Variants in ZNF347 observed in about 807,000 individuals in gnomAD.
The protein encoded by ZNF347 is CTD-2620I22.7.
A neutral mutation model predicts 12.9 loss-of-function variants in ZNF347; 19 were observed. That is an observed-to-expected ratio of 1.47 (90% CI 1.03 to 2.16). The LOEUF (loss-of-function observed/expected upper bound fraction) is 2.16. Among genes scored for constraint, ZNF347 ranks in the 30% most tolerant of loss-of-function variants. ZNF347 has a pLI of 0.00. For missense variants in ZNF347, 1,005 were observed against 990.6 expected, an observed-to-expected ratio of 1.01 and a Z score of -0.19; for synonymous variants, 328 against 340.6, an observed-to-expected ratio of 0.96 and a Z score of 0.41.
rs2090415350 is a variant in ZNF347 at position 53,140,565 on chromosome 19, G to A, written c.2263C>T (p.His755Tyr). ...VFTQNSHLAR[H>Y]RGIHTGEKPY... is the part of the protein sequence containing the mutation. ...TTCTCTCCAGTATGAATTCCCCGATGTCTTGCAAGGTGTGAATTCTGAGTG... is the reference window on the plus strand; with the variant it reads ...TTCTCTCCAGTATGAATTCCCCGATATCTTGCAAGGTGTGAATTCTGAGTG... Residue 755 changes from histidine (H) to tyrosine (Y), a missense_variant, in exon 5 of 5, where the codon CAT becomes TAT. His to Tyr is a moderately conservative substitution (Grantham distance 83, BLOSUM62 2). Transcript: ENST00000334197. 2 of 1,613,788 alleles carry A rather than the reference G, an allele frequency of 1.2e-6. No individual in the cohort carries two copies. The highest frequency in any genetic ancestry group is 1.3e-5 in the African/African-American group (1 of 74,872).
At position 53,145,046 on chromosome 19, in the gene ZNF347, T is replaced by A. The variant is rs1383641379; in HGVS notation, c.272-2490A>T. Among the ~76,000 whole-genome samples, 3 of 152,122 alleles carry A rather than the reference T, an allele frequency of 2.0e-5. No homozygotes were observed. The East Asian group carries it at 5.8e-4, about 30-fold the overall frequency. ...GGCTCACACCTGTAATCCCAGCACT[T>A]AGGGAGGCCAAAGTTGGGCAGATCA... On this transcript the variant is annotated intron_variant, in intron 4 of 4. Transcript: ENST00000334197.
At chr19:53,148,886 G>A in intron 3 of ZNF347, 77 bp from the exon 4 acceptor site, 1 of 1,530,198 alleles carries the variant, frequency 6.5e-7, no homozygotes, top group Non-Finnish European at 8.8e-7. Flanking sequence ...TGAGGAGGGA[G>A]GACTTTACAG....
rs751819401 is a variant in ZNF347 at position 53,141,763 on chromosome 19, A to T, written c.1065T>A (p.Thr355=). The T allele has an allele frequency of 2.5e-6, 4 of 1,613,518 alleles. No individual in the cohort carries two copies. The highest frequency in any genetic ancestry group is 1.7e-6 in the Non-Finnish European group (2 of 1,179,794). The change falls in exon 5 of 5, where the codon ACT becomes ACA. Residue 355 remains threonine, a synonymous_variant. Coordinates refer to ENST00000334197, the MANE Select transcript of ZNF347 (RefSeq NM_032584.3). ...GATGTCTTACAAGGTGTGAATTCTG[A>T]GTGAAGACCTTGCCACATTCGTTAC... ...YKCNECGKVF[T]QNSHLVRHRG...
At position 53,149,315 on chromosome 19, in the gene ZNF347, G is replaced by C; in HGVS notation, c.68C>G (p.Thr23Arg). 1 of 1,613,960 alleles carries C rather than the reference G, an allele frequency of 6.2e-7. No individual in the cohort carries two copies. The highest frequency in any genetic ancestry group is 8.5e-7 in the Non-Finnish European group (1 of 1,179,958). The stretch of plus-strand genomic sequence containing the variant: ...AGTCCTCTGAGCGGGGTCCAGGCAT[G>C]TCCACTCCTCCTGAGAGAATTCTAT... ...VAIEFSQEEW[T>R]CLDPAQRTLY... The change falls in exon 3 of 5, where the codon ACA becomes AGA. Residue 23 changes from threonine (T) to arginine (R), a missense_variant. Thr to Arg is a moderately conservative substitution (Grantham distance 71). Transcript: ENST00000334197.
intron 1 of ZNF347, among the ~76,000 whole-genome samples, chr19:53,157,250 G>A (rs954608259): frequency 1.3e-5 from 2 of 152,060 alleles, no homozygotes; most frequent in Non-Finnish European, 2.9e-5. Context: ...TTAAGTAAAC[G>A]TATTTTAAAT....
chr19:53,148,876 TGAG>T, intron 3 of ZNF347, 67 bp from the exon 4 acceptor site: 1 of 1,560,790 alleles, frequency 6.4e-7, no homozygotes. Flanking sequence ...TATGTTTACA[TGAG>T]GAGGGAGGAC....
rs561414202 is a variant in ZNF347, at chr19:53,139,009, A to G, written c.*1299T>C. On this transcript the variant is annotated 3_prime_UTR_variant, in exon 5 of 5. Coordinates refer to ENST00000334197, the MANE Select transcript of ZNF347 (RefSeq NM_032584.3). Reference sequence around the variant, plus strand: ...CCTCTTCAATTTCAAAAATAAGCCTATTTTTCATCAATCTCTGCTATAAAA... The same window carrying G: ...CCTCTTCAATTTCAAAAATAAGCCTGTTTTTCATCAATCTCTGCTATAAAA... 10 of 152,226 alleles carry G rather than the reference A, an allele frequency of 6.6e-5. No homozygotes were observed. The South Asian group carries it at 2.1e-3, about 32-fold the overall frequency. The allele number at this position is 152,226 out of a possible 1,614,324, so 9.4% of individuals were successfully genotyped here.
At position 53,140,258 on chromosome 19, in the gene ZNF347, T is replaced by A. The variant is rs1412223524; in HGVS notation, c.*50A>T. 5.4e-6 allele frequency: 8 copies of A among 1,480,558 alleles called. No individual in the cohort carries two copies. Among genetic ancestry groups the A allele is most frequent in the Non-Finnish European group, 7.3e-6 (8 of 1,102,106 alleles). 91.7% of individuals were successfully genotyped at this position (1,480,558 alleles called of 1,614,324 possible). On this transcript the variant is annotated 3_prime_UTR_variant, in exon 5 of 5. Coordinates refer to ENST00000334197, the MANE Select transcript of ZNF347 (RefSeq NM_032584.3). ...AAATTCTCTGACGTTGTCAAAGGAA[T>A]GAATTCTAACTGCAAAAGTTACCAC... is the stretch of plus-strand genomic sequence containing the variant.
chr19:53,146,502 C>A (rs1017051886), intron 4 of ZNF347, among the ~76,000 whole-genome samples: 2 of 151,976 alleles, frequency 1.3e-5, no homozygotes, highest in African/African-American at 4.8e-5. Flanking sequence ...GTTTGAACTC[C>A]CCGCCTCAAG....
intron 4 of ZNF347, among the ~76,000 whole-genome samples, chr19:53,143,738 T>C (rs937867722): frequency 6.6e-6 from 1 of 152,166 alleles, no homozygotes; most frequent in African/African-American, 2.4e-5. Flanking sequence ...TTTGGGTATA[T>C]ACCCAGTAAT....
intron 2 of ZNF347, among the ~76,000 whole-genome samples, chr19:53,149,772 A>C (rs2090486161): frequency 6.6e-6 from 1 of 152,074 alleles, no homozygotes; most frequent in South Asian, 2.1e-4. Context: ...AAGCCCCCAT[A>C]ATAACCCGAA....
chr19:53,140,226 C>T lies in ZNF347; in HGVS notation c.*82G>A, dbSNP rs1599850213. The T allele has an allele frequency of 1.1e-5, 15 of 1,326,690 alleles. No individual in the cohort carries two copies. In the East Asian group the frequency reaches 3.5e-4, roughly 31 times the overall value. 82.2% of individuals were successfully genotyped at this position (1,326,690 alleles called of 1,614,324 possible). On this transcript the variant is annotated 3_prime_UTR_variant, in exon 5 of 5. Transcript: ENST00000334197. ...GTCATTGCATTTTCAAGGAATCTCT[C>T]AGGCATAAATTCTCTGACGTTGTCA... is the stretch of plus-strand genomic sequence containing the variant.
chr19:53,158,070 A>G (rs2090546828), intron 1 of ZNF347, among the ~76,000 whole-genome samples: 1 of 152,018 alleles, frequency 6.6e-6, no homozygotes, highest in Non-Finnish European at 1.5e-5. Context: ...CCCTTGGTCC[A>G]CACATTCACA....
At chr19:53,147,730 AC>A (rs1288455921) in intron 4 of ZNF347, among the ~76,000 whole-genome samples, 3 of 152,102 alleles carry the variant, frequency 2.0e-5, no homozygotes, top group Non-Finnish European at 4.4e-5. Flanking sequence ...CAAAAAGAAA[AC>A]TATAGGCCAC....
In ZNF347 at chr19:53,140,747, G is replaced by A. The variant is rs1685503166; in HGVS notation, c.2081C>T (p.Ser694Leu). Residue 694 changes from serine (S) to leucine (L), a missense_variant, in exon 5 of 5, where the codon TCA becomes TTA. Physicochemically the swap from Ser to Leu is moderately radical, Grantham distance 145. Transcript: ENST00000334197. ...AACTCTCTGATGCCTTGCAAGCTTT[G>A]ATGTTTGACTAAAGGCTTTGCCACA... ...NECGKAFSQT[S>L]KLARHQRVHT... The A allele has an allele frequency of 2.5e-6, 4 of 1,612,548 alleles. No individual in the cohort carries two copies. Among genetic ancestry groups the A allele is most frequent in the Non-Finnish European group, 3.4e-6 (4 of 1,179,210 alleles).
In ZNF347 at chr19:53,154,413, C is replaced by T. The variant is rs180844984; in HGVS notation, c.-46-620G>A. 1.6e-3 allele frequency among the ~76,000 whole-genome samples: 246 copies of T among 152,084 alleles called. 1 individual carries two copies. Among genetic ancestry groups the T allele is most frequent in the African/African-American group, 5.5e-3 (229 of 41,484 alleles). On this transcript the variant is annotated intron_variant, in intron 1 of 4. Coordinates refer to ENST00000334197, the MANE Select transcript of ZNF347 (RefSeq NM_032584.3). Reference sequence around the variant, plus strand: ...GCCTAGATGCTGGATCTAGAGTTCACAGGAGAGGCCTGCAGGTGACATGAA... The same window carrying T: ...GCCTAGATGCTGGATCTAGAGTTCATAGGAGAGGCCTGCAGGTGACATGAA...
chr19:53,153,299 C>A (rs920141680), intron 2 of ZNF347, among the ~76,000 whole-genome samples: 1 of 152,136 alleles, frequency 6.6e-6, no homozygotes, highest in Non-Finnish European at 1.5e-5. Flanking sequence ...GTAAATGAGC[C>A]AGAAAAATTT....
chr19:53,153,874 C>T (rs535326418), intron 1 of ZNF347, 81 bp from the exon 2 acceptor site: 2 of 1,019,114 alleles, frequency 2.0e-6, no homozygotes, highest in South Asian at 1.4e-5. Context: ...TCAACACATC[C>T]CCTTCCTATG....
intron 2 of ZNF347, among the ~76,000 whole-genome samples, chr19:53,151,705 T>TA (rs1366810213): frequency 6.6e-6 from 1 of 152,202 alleles, no homozygotes; most frequent in Non-Finnish European, 1.5e-5. Flanking sequence ...TTCTTACTAT[T>TA]AAATCATTAA....
Sources: allele counts gnomAD v4.1 joint callset (sites outside exome capture counted in the v4.1 genomes callset), GRCh38; gene constraint gnomAD v4.1.1; transcripts MANE v1.5; gene names NCBI Gene and HGNC (gene_info 2026-07-23, HGNC 2026-07-21).